The following LRP1B variants were observed in gnomAD, a reference collection of about 807,000 sequenced individuals.
LRP1B encodes the protein low-density lipoprotein receptor-related protein 1B.
Under a neutral mutation model 556.6 loss-of-function variants are expected in LRP1B, and 217 were observed. The ratio of observed to expected loss-of-function variants is 0.39; its 90% CI spans 0.35 to 0.44. The LOEUF is 0.44. Among genes scored for constraint, LRP1B ranks in the 20% least tolerant of loss-of-function variants. The pLI is 1.00. For synonymous variants in LRP1B, 2,047 were observed against 1,865.8 expected (o/e 1.10, Z -2.50); for missense variants, 5,053 against 5,620.8 (o/e 0.90, Z 3.23).
chr2:140,261,993 A>T (rs908671556), intron 86 of LRP1B, among the ~76,000 whole-genome samples: 1 of 152,040 alleles, frequency 6.6e-6, no homozygotes, highest in East Asian at 1.9e-4. Flanking sequence ...TTCTCTGTTC[A>T]AATGGAGAAA....
chr2:140,580,952 T>C (rs186931082), intron 43 of LRP1B, among the ~76,000 whole-genome samples: 35 of 152,328 alleles, frequency 2.3e-4, no homozygotes, highest in Admixed American at 6.5e-4. Context: ...GAAGCCCAGC[T>C]GTCTATGGTA....
chr2:141,540,337 C>A (rs765944152), intron 2 of LRP1B, among the ~76,000 whole-genome samples: 7 of 151,648 alleles, frequency 4.6e-5, no homozygotes, highest in African/African-American at 1.7e-4. Flanking sequence ...CTCATATTGA[C>A]CGACAGATAC....
At chr2:140,489,205 T>C (rs1473208301) in intron 57 of LRP1B, among the ~76,000 whole-genome samples, 1 of 152,042 alleles carries the variant, frequency 6.6e-6, no homozygotes, top group Non-Finnish European at 1.5e-5. Flanking sequence ...TCAAATTTTA[T>C]GCTTTTATTT....
intron 15 of LRP1B, 103 bp from the exon 16 acceptor site, chr2:140,994,238 T>C (rs995051624): frequency 2.2e-5 from 20 of 929,848 alleles, no homozygotes; most frequent in Non-Finnish European, 3.0e-5. Flanking sequence ...ATTCTACATA[T>C]CAGTGGGATG....
intron 1 of LRP1B, among the ~76,000 whole-genome samples, chr2:141,954,794 G>A (rs1220881158): frequency 6.6e-6 from 1 of 152,006 alleles, no homozygotes; most frequent in Non-Finnish European, 1.5e-5. Flanking sequence ...GAGCCTCTGA[G>A]TCTCTCAGCT....
At chr2:141,717,403 T>C (rs1692645506) in intron 2 of LRP1B, among the ~76,000 whole-genome samples, 1 of 152,212 alleles carries the variant, frequency 6.6e-6, no homozygotes, top group Non-Finnish European at 1.5e-5. Flanking sequence ...AGTTGACCAG[T>C]GGTGCTAAAT....
chr2:140,403,677 G>T (rs1684605261), intron 66 of LRP1B, among the ~76,000 whole-genome samples: 1 of 152,146 alleles, frequency 6.6e-6, no homozygotes, highest in African/African-American at 2.4e-5. Flanking sequence ...AGAGAAAAGA[G>T]AAGGCTAAAA....
intron 3 of LRP1B, among the ~76,000 whole-genome samples, chr2:141,388,120 T>C (rs982755587): frequency 1.1e-4 from 16 of 152,234 alleles, no homozygotes; most frequent in African/African-American, 3.9e-4. Flanking sequence ...AAAGCACTTG[T>C]CAAAATCACT....
intron 2 of LRP1B, among the ~76,000 whole-genome samples, chr2:141,511,898 T>C (rs6707180): frequency 0.97 from 148,382 of 152,316 alleles, 72,389 homozygotes; most frequent in East Asian, 1. Flanking sequence ...ACACTACAAA[T>C]AAATTTTCTT....
chr2:141,557,737 T>A (rs1466687976), intron 2 of LRP1B, among the ~76,000 whole-genome samples: 1 of 151,930 alleles, frequency 6.6e-6, no homozygotes, highest in East Asian at 1.9e-4. Flanking sequence ...CCACCCTGCC[T>A]CTAGACTCTA....
intron 1 of LRP1B, among the ~76,000 whole-genome samples, chr2:142,049,360 C>T (rs1356643352): frequency 6.6e-6 from 1 of 152,088 alleles, no homozygotes; most frequent in East Asian, 1.9e-4. Flanking sequence ...CTTACATCCA[C>T]TCAGCCTAAT....
At chr2:140,837,616 T>G (rs1691953153) in intron 31 of LRP1B, among the ~76,000 whole-genome samples, 1 of 151,602 alleles carries the variant, frequency 6.6e-6, no homozygotes, top group African/African-American at 2.4e-5. Context: ...AAAAATATAC[T>G]TGGTGAGTTC....
intron 2 of LRP1B, among the ~76,000 whole-genome samples, chr2:141,720,974 TG>T (rs1317451980): frequency 6.6e-6 from 1 of 152,122 alleles, no homozygotes; most frequent in Non-Finnish European, 1.5e-5. Flanking sequence ...ATGTTCTTTT[TG>T]ACACTTTCCT....
At chr2:140,301,841 G>A (rs938405999) in intron 83 of LRP1B, among the ~76,000 whole-genome samples, 1 of 151,576 alleles carries the variant, frequency 6.6e-6, no homozygotes, top group Non-Finnish European at 1.5e-5. Flanking sequence ...ATTAGAATAT[G>A]TATACTAATA....
intron 3 of LRP1B, among the ~76,000 whole-genome samples, chr2:141,265,998 A>G (rs2105359565): frequency 6.6e-6 from 1 of 152,296 alleles, no homozygotes; most frequent in South Asian, 2.1e-4. Context: ...AGTGGAAGTG[A>G]TATGCATAAC....
intron 11 of LRP1B, among the ~76,000 whole-genome samples, chr2:141,022,019 T>C (rs1316213158): frequency 6.6e-6 from 1 of 151,918 alleles, no homozygotes; most frequent in Non-Finnish European, 1.5e-5. Context: ...GTATCTTTTG[T>C]TTTTCACCTT....
rs1680647899 is a variant in LRP1B, at chr2:140,328,989, T to C, written c.12224-3111A>G. ...GAGTGGTCCAGGACCAGTATGTAGT[T>C]ATTTATTTTCTTAGAAATTGCTGCA... On this transcript the variant is annotated intron_variant, in intron 79 of 90. Transcript: ENST00000389484. 2.6e-5 allele frequency among the ~76,000 whole-genome samples: 4 copies of C among 152,102 alleles called. No homozygotes were observed. The South Asian group carries it at 8.3e-4, about 31-fold the overall frequency.
intron 2 of LRP1B, among the ~76,000 whole-genome samples, chr2:141,770,659 A>G (rs1574341107): frequency 6.6e-6 from 1 of 152,190 alleles, no homozygotes; most frequent in East Asian, 1.9e-4. Flanking sequence ...TTCAACAACC[A>G]TCACCCTCCC....
At chr2:141,320,560 A>C (rs78123073) in intron 3 of LRP1B, among the ~76,000 whole-genome samples, 1 of 152,056 alleles carries the variant, frequency 6.6e-6, no homozygotes, top group East Asian at 1.9e-4. Flanking sequence ...TCTGGGAGCT[A>C]GTGCATGCAA....
Sources: gnomAD v4.1 joint callset for allele counts (sites outside exome capture counted in the v4.1 genomes callset) on GRCh38, gnomAD v4.1.1 for gene constraint, MANE v1.5 for transcripts, NCBI Gene and HGNC (gene_info 2026-07-23, HGNC 2026-07-21) for gene names.